The following SCAMP4 variants were observed in gnomAD, a reference collection of about 807,000 sequenced individuals.
SCAMP4 encodes secretory carrier membrane protein 4.
A neutral mutation model predicts 32.1 loss-of-function variants in SCAMP4; 19 were observed. The ratio of observed to expected loss-of-function variants is 0.59; its 90% CI spans 0.41 to 0.87. The LOEUF (loss-of-function observed/expected upper bound fraction) is 0.87, where lower values mean the gene tolerates loss of function less well. SCAMP4 is among the 40% of genes least tolerant of loss of function. The probability of loss-of-function intolerance (pLI) is 0.00; values close to 1 mark genes in which losing one functional copy is unlikely to be tolerated. For missense variants in SCAMP4, 302 were observed against 309.0 expected (o/e 0.98, Z 0.17); for synonymous variants, 152 against 132.7 (o/e 1.15, Z -1.00).
intron 1 of SCAMP4, chr19:1,907,122 G>A (rs1270981199): frequency 6.6e-6 from 1 of 151,944 alleles, no homozygotes; most frequent in East Asian, 1.9e-4. Flanking sequence ...GGGAGGCAGA[G>A]GTTGCAGTGA....
In SCAMP4 at chr19:1,906,538, CTAAA is replaced by C. The variant is rs543722789; in HGVS notation, c.-42+1112_-42+1115del. On this transcript the variant is annotated intron_variant, in intron 1 of 6. Coordinates refer to ENST00000316097, the MANE Select transcript of SCAMP4 (RefSeq NM_079834.4). ...TGGGCAACAGAGCGAGACCCTGTCT[CTAAA>C]TAAATAAATAAAATACATACGTGTA... The C allele has an allele frequency of 1.3e-3, 196 of 151,812 alleles. 1 individual carries two copies. Among genetic ancestry groups the C allele is most frequent in the African/African-American group, 4.5e-3 (187 of 41,372 alleles). 9.4% of individuals were successfully genotyped at this position (151,812 alleles called of 1,614,324 possible).
intron 2 of SCAMP4, chr19:1,915,349 T>C: frequency 2.2e-6 from 1 of 446,218 alleles, no homozygotes; most frequent in Non-Finnish European, 4.1e-6. Flanking sequence ...CACCCACTCA[T>C]TTACTGGCAG....
chr19:1,917,894 C>A, intron 3 of SCAMP4, 72 bp downstream of exon 3: 1 of 1,586,066 alleles, frequency 6.3e-7, no homozygotes. Flanking sequence ...GGCATTCAGG[C>A]AGGGGCAGCC....
rs1313030677 is a variant in SCAMP4 at position 1,908,546 on chromosome 19, C to T, written c.-42+3107C>T. 1 of 471,138 alleles carries T rather than the reference C, an allele frequency of 2.1e-6. No homozygotes were observed. Among genetic ancestry groups the T allele is most frequent in the Admixed American group, 2.3e-5 (1 of 42,572 alleles). The allele number at this position is 471,138 out of a possible 1,614,324, so 29.2% of individuals were successfully genotyped here. On this transcript the variant is annotated intron_variant, in intron 1 of 6. Transcript: ENST00000316097. This position sits in a 1 kb window ranked among gnomAD's most constrained non-coding sequence, Gnocchi z 4.2. ...GTCCAGGCTGGCAGTTCAGGATCAC[C>T]CGGCTGGAGTCATTTTAAGATCATC...
At chr19:1,920,501 C>T (rs2013884701) in intron 5 of SCAMP4, 1 of 782,422 alleles carries the variant, frequency 1.3e-6, no homozygotes, top group South Asian at 5.8e-5. Context: ...TTGTGCACCC[C>T]TCGGATGTGC....
intron 1 of SCAMP4, among the ~76,000 whole-genome samples, chr19:1,910,572 T>G (rs1200734626): frequency 2.3e-5 from 3 of 132,380 alleles, no homozygotes; most frequent in Non-Finnish European, 3.1e-5. Context: ...GTTTTTGAGG[T>G]GTCTTTTTTT....
rs367780613 is a variant in SCAMP4 at position 1,923,199 on chromosome 19, G to C, written c.513+12G>C. 1.4e-4 allele frequency: 209 copies of C among 1,542,392 alleles called. No individual in the cohort carries two copies. Among genetic ancestry groups the C allele is most frequent in the Admixed American group, 1.8e-4 (9 of 50,306 alleles). ...TCGCGATCATGAAGGTGAGTCCTCG[G>C]CTTTGTGACGTCCAGCCCTTACCCC... On this transcript the variant is annotated intron_variant, in intron 6 of 6. Coordinates refer to ENST00000316097, the MANE Select transcript of SCAMP4 (RefSeq NM_079834.4).
rs561894043 is a variant in SCAMP4 at position 1,908,955 on chromosome 19, AT to A, written c.-42+3518del. On this transcript the variant is annotated intron_variant, in intron 1 of 6. Transcript: ENST00000316097. The surrounding 1 kb of genome is among the most constrained non-coding windows in gnomAD (Gnocchi z 4.2). ...CCCCGTCTCTACTGAAAATACAAAAATTAGCCGGGCGTGGTGGCATGTGCCT... is the reference window on the plus strand; with the variant it reads ...CCCCGTCTCTACTGAAAATACAAAAATAGCCGGGCGTGGTGGCATGTGCCT... 2.4e-3 allele frequency among the ~76,000 whole-genome samples: 359 copies of A among 152,164 alleles called. 2 individuals carry two copies. Among genetic ancestry groups the A allele is most frequent in the Middle Eastern group, 0.017 (5 of 294 alleles).
chr19:1,914,432 C>T lies in SCAMP4; in HGVS notation c.-41-547C>T, dbSNP rs185367142. ...TCACACCCCACTGGTCTGTGATGCC[C>T]AGTGGGCAGCAGGCATGCCCCTGCT... On this transcript the variant is annotated intron_variant, in intron 1 of 6. Coordinates refer to ENST00000316097, the MANE Select transcript of SCAMP4 (RefSeq NM_079834.4). The T allele has an allele frequency of 8.2e-4, 140 of 169,874 alleles. 2 individuals are homozygous for T. Among genetic ancestry groups the T allele is most frequent in the African/African-American group, 3.1e-3 (129 of 42,082 alleles). The allele number at this position is 169,874 out of a possible 1,614,324, so 10.5% of individuals were successfully genotyped here.
At chr19:1,913,263 C>T (rs1281445517) in intron 1 of SCAMP4, 3 of 1,402,588 alleles carry the variant, frequency 2.1e-6, no homozygotes, top group Non-Finnish European at 2.8e-6. Context: ...TTCAGGGACA[C>T]ATACCGCCTC....
chr19:1,918,421 C>T (rs1259167852), intron 4 of SCAMP4, 138 bp downstream of exon 4: 1 of 1,046,150 alleles, frequency 9.6e-7, no homozygotes, highest in Non-Finnish European at 1.3e-6. Context: ...GGGTGGCAAA[C>T]TGTGGCCCAC....
chr19:1,920,266 G>A (rs1454670085), intron 5 of SCAMP4: 1 of 985,336 alleles, frequency 1.0e-6, no homozygotes, highest in Non-Finnish European at 1.2e-6. Flanking sequence ...GGAGCCGTGG[G>A]TGCCTTTGGT....
At position 1,913,155 on chromosome 19, in the gene SCAMP4, C is replaced by T. The variant is rs562599196; in HGVS notation, c.-41-1824C>T. ...CTGGCTGGACCCCGACACGTAGGCGCCGCCCTCCTGCCTCCGGACCCTTCC... is the reference window on the plus strand; with the variant it reads ...CTGGCTGGACCCCGACACGTAGGCGTCGCCCTCCTGCCTCCGGACCCTTCC... On this transcript the variant is annotated intron_variant, in intron 1 of 6. Transcript: ENST00000316097. 3.9e-6 allele frequency: 6 copies of T among 1,533,872 alleles called. No individual in the cohort carries two copies. In the African/African-American group the frequency reaches 5.5e-5, roughly 14 times the overall value.
rs868042407 is a variant in SCAMP4 at position 1,908,117 on chromosome 19, G to A, written c.-42+2678G>A. The A allele has an allele frequency of 2.3e-4, 52 of 221,856 alleles. No individual in the cohort carries two copies. In the Middle Eastern group the frequency reaches 5.4e-3, roughly 23 times the overall value. 13.7% of individuals were successfully genotyped at this position (221,856 alleles called of 1,614,324 possible). On this transcript the variant is annotated intron_variant, in intron 1 of 6. Transcript: ENST00000316097. This position sits in a 1 kb window ranked among gnomAD's most constrained non-coding sequence, Gnocchi z 4.2. ...CAGTGGAGTGTTTGTGGCCTAGCAGGGCCGTGCGGGCCTCTCGGTCCTGGT... is the reference window on the plus strand; with the variant it reads ...CAGTGGAGTGTTTGTGGCCTAGCAGAGCCGTGCGGGCCTCTCGGTCCTGGT...
At chr19:1,921,782 C>G in intron 5 of SCAMP4, 1 of 984,588 alleles carries the variant, frequency 1.0e-6, no homozygotes, top group South Asian at 4.7e-5. Context: ...GGAGTTCAGA[C>G]TGGCCTGGGC....
intron 1 of SCAMP4, chr19:1,912,032 C>T (rs1359994406): frequency 2.2e-5 from 31 of 1,416,162 alleles, no homozygotes; most frequent in East Asian, 2.8e-5. Context: ...CTCCCCCAGC[C>T]GCCCGCAGCC....
At chr19:1,917,026 G>A (rs770662866) in intron 2 of SCAMP4, among the ~76,000 whole-genome samples, 9 of 152,250 alleles carry the variant, frequency 5.9e-5, no homozygotes, top group African/African-American at 9.6e-5. Flanking sequence ...TCGGCCGGGC[G>A]CGGTGGCTCA....
rs1042372638 is a variant in SCAMP4 at position 1,923,124 on chromosome 19, C to A, written c.450C>A (p.Val150=). ...AGTACAGCCCGGGCGCTGCCGTGGT[C>A]ATGCTGCTTCCAGCCATCATGTTCT... The part of the protein sequence containing the change: ...FFQYSPGAAV[V]MLLPAIMFSV... The change falls in exon 6 of 7, where the codon GTC becomes GTA. Residue 150 remains valine, a synonymous_variant. Transcript: ENST00000316097. 6.4e-7 allele frequency: 1 copy of A among 1,553,202 alleles called. No individual in the cohort carries two copies. The highest frequency in any genetic ancestry group is 1.2e-5 in the South Asian group (1 of 83,884).
chr19:1,923,030 C>T (rs2013969447), intron 5 of SCAMP4, 40 bp from the exon 6 acceptor site: 3 of 1,495,884 alleles, frequency 2.0e-6, no homozygotes, highest in Non-Finnish European at 1.8e-6. Flanking sequence ...CCTCATCCAG[C>T]AGGTGTGCAG....
Sources: allele counts gnomAD v4.1 joint callset (sites outside exome capture counted in the v4.1 genomes callset), GRCh38; gene constraint gnomAD v4.1.1; non-coding constraint Gnocchi (gnomAD v3.1); transcripts MANE v1.5; gene names NCBI Gene and HGNC (gene_info 2026-07-23, HGNC 2026-07-21).